DBN1: variants seen among roughly 807,000 people sequenced by gnomAD.
DBN1 encodes drebrin 1.
A neutral mutation model predicts 83.5 loss-of-function variants in DBN1; 21 were observed. The observed-to-expected ratio is 0.25, with a 90% CI of 0.18 to 0.36. The LOEUF (loss-of-function observed/expected upper bound fraction) is 0.36. Ranked by LOEUF, DBN1 falls within the 10% of genes least tolerant of loss-of-function variation. DBN1 has a pLI of 1.00. For missense variants in DBN1, 874 were observed against 935.7 expected (o/e 0.93, Z 0.86); for synonymous variants, 381 against 384.9 (o/e 0.99, Z 0.12).
Position 177,460,558 on chromosome 5 carries a change from G to A in DBN1, c.832-3C>T, listed in dbSNP as rs749079528. On this transcript the variant is annotated splice_polypyrimidine_tract_variant and splice_region_variant and intron_variant, in intron 9 of 14. Transcript: ENST00000393565. ...TGGGCAATAATAGCTGCTGCCTCCTGAGGGCACGAGGAAAAGGTTGGGGCT... is the reference window on the plus strand; with the variant it reads ...TGGGCAATAATAGCTGCTGCCTCCTAAGGGCACGAGGAAAAGGTTGGGGCT... 2.5e-6 allele frequency: 4 copies of A among 1,614,188 alleles called. No individual in the cohort carries two copies. The South Asian group carries it at 3.3e-5, about 13-fold the overall frequency.
chr5:177,472,974 C>T, intron 1 of DBN1: 2 of 405,962 alleles, frequency 4.9e-6, no homozygotes, highest in Non-Finnish European at 6.7e-6. Context: ...GTGCTGTGGC[C>T]GGGCCGGGCT....
rs1561686304 is a variant in DBN1, at chr5:177,467,387, C to A, written c.478-55G>T. 2 of 1,613,614 alleles carry A rather than the reference C, an allele frequency of 1.2e-6. No homozygotes were observed. Among genetic ancestry groups the A allele is most frequent in the South Asian group, 2.2e-5 (2 of 91,060 alleles). On this transcript the variant is annotated intron_variant, in intron 5 of 14. Coordinates refer to ENST00000393565, the MANE Select transcript of DBN1 (RefSeq NM_001363541.2). This position sits in a 1 kb window ranked among gnomAD's most constrained non-coding sequence, Gnocchi z 9.1. Reference sequence around the variant, plus strand: ...GGCTGAATGCCCCAGGAACCCCCGACACCTAAAGGGTGAGAGCTAAGAGGG... The same window carrying A: ...GGCTGAATGCCCCAGGAACCCCCGAAACCTAAAGGGTGAGAGCTAAGAGGG...
Position 177,466,700 on chromosome 5 carries a change from C to G in DBN1, c.771+72G>C. On this transcript the variant is annotated intron_variant, in intron 8 of 14. Transcript: ENST00000393565. This position sits in a 1 kb window ranked among gnomAD's most constrained non-coding sequence, Gnocchi z 4.8. ...TGTCCCTGAGCCACTGATCTCCCCA[C>G]AAGGCCCAGGAACACAGGGACCATT... The G allele has an allele frequency of 6.4e-7, 1 of 1,558,260 alleles. No individual in the cohort carries two copies. The highest frequency in any genetic ancestry group is 2.2e-5 in the East Asian group (1 of 44,610).
chr5:177,464,915 G>C (rs933786699), intron 8 of DBN1, among the ~76,000 whole-genome samples: 2 of 152,128 alleles, frequency 1.3e-5, no homozygotes, highest in Non-Finnish European at 2.9e-5. Flanking sequence ...AGCACTTTGG[G>C]TGGCTGAGGT....
At position 177,467,861 on chromosome 5, in the gene DBN1, G is replaced by A. The variant is rs537968271; in HGVS notation, c.256-44C>T. The A allele has an allele frequency of 7.6e-6, 12 of 1,582,520 alleles. No homozygotes were observed. The East Asian group carries it at 1.7e-4, about 22-fold the overall frequency. ...AGAGGGGGTCAGGAAAGGACAAGGG[G>A]GGCCCTACACGATAGGGTGCATCTT... is the stretch of plus-strand genomic sequence containing the variant. On this transcript the variant is annotated intron_variant, in intron 3 of 14. Transcript: ENST00000393565. The surrounding 1 kb of genome is among the most constrained non-coding windows in gnomAD (Gnocchi z 9.1).
intron 1 of DBN1, among the ~76,000 whole-genome samples, chr5:177,471,118 G>A (rs1465354594): frequency 1.3e-5 from 2 of 152,146 alleles, no homozygotes; most frequent in East Asian, 3.8e-4. Flanking sequence ...CTGGAATGTG[G>A]CAGTTCCAGA....
Position 177,459,205 on chromosome 5 carries a change from T to A in DBN1, c.1157A>T (p.Asp386Val). The change falls in exon 12 of 15, where the codon GAC (aspartate) becomes GTC (valine). Residue 386 changes from aspartate to valine, a missense_variant. Asp to Val is a radical substitution (Grantham distance 152). Transcript: ENST00000393565. ...PTPIPTRSPS[D>V]SSTASTPVAE... ...GACAGGGGTGGAGGCGGTGCTGGAG[T>A]CAGACGGGCTCCGCGTGGGGATGGG... 1 of 1,608,676 alleles carries A rather than the reference T, an allele frequency of 6.2e-7. No homozygotes were observed.
chr5:177,456,686 A>AC lies in DBN1; in HGVS notation c.*746_*747insG. 2.7e-5 allele frequency: 4 copies of AC among 150,330 alleles called. No homozygotes were observed. Among genetic ancestry groups the AC allele is most frequent in the African/African-American group, 9.8e-5 (4 of 40,942 alleles). The allele number at this position is 150,330 out of a possible 1,614,324, so 9.3% of individuals were successfully genotyped here. ...GTTTGTGCTTTCCAAAAAAAAAAAA[A>AC]AAAAAAAAAAAAAAACAGTTACTAA... On this transcript the variant is annotated 3_prime_UTR_variant, in exon 15 of 15. Coordinates refer to ENST00000393565, the MANE Select transcript of DBN1 (RefSeq NM_001363541.2).
Position 177,457,296 on chromosome 5 carries a change from C to G in DBN1, c.*137G>C. 1.3e-6 allele frequency: 1 copy of G among 745,708 alleles called. No homozygotes were observed. Among genetic ancestry groups the G allele is most frequent in the Non-Finnish European group, 2.4e-6 (1 of 419,342 alleles). The allele number at this position is 745,708 out of a possible 1,614,324, so 46.2% of individuals were successfully genotyped here. A position where few individuals can be genotyped will look rare whatever the true frequency, so the allele number is the denominator to read the frequency against. On this transcript the variant is annotated 3_prime_UTR_variant, in exon 15 of 15. Transcript: ENST00000393565. ...CAGGCCCTGTGGGTAGGGAAGCGGC[C>G]AAGTCCCCAGCCAGGGCCGGAATCC...
intron 8 of DBN1, among the ~76,000 whole-genome samples, chr5:177,464,876 C>T (rs1046803509): frequency 6.9e-6 from 1 of 144,458 alleles, no homozygotes; most frequent in Non-Finnish European, 1.5e-5. Context: ...GGAGGCAGGC[C>T]GGGTGCAGTG....
rs529565663 is a variant in DBN1 at position 177,471,149 on chromosome 5, TG to T, written c.87-2251del. The stretch of plus-strand genomic sequence containing the variant: ...CCAGAGACCCTGGGGTGAGCTGGGA[TG>T]GGGGGTGAGCTGGGGTGGAGGGTGA... On this transcript the variant is annotated intron_variant, in intron 1 of 14. Transcript: ENST00000393565. Among the ~76,000 whole-genome samples, 140 of 150,566 alleles carry T rather than the reference TG, an allele frequency of 9.3e-4. 1 individual carries two copies. Among genetic ancestry groups the T allele is most frequent in the African/African-American group, 3.3e-3 (135 of 40,812 alleles).
intron 8 of DBN1, among the ~76,000 whole-genome samples, chr5:177,463,750 G>A (rs1757210901): frequency 6.6e-6 from 1 of 152,218 alleles, no homozygotes; most frequent in African/African-American, 2.4e-5. Context: ...CTGAAATGTT[G>A]ATAACTGGTG....
In DBN1 at chr5:177,473,459, G is replaced by T. The variant is rs1223649294; in HGVS notation, c.63C>A (p.Ile21=). Residue 21 remains isoleucine (I), a synonymous_variant, in exon 1 of 15, where the codon ATC becomes ATA. Coordinates refer to ENST00000393565, the MANE Select transcript of DBN1 (RefSeq NM_001363541.2). ...ACCAGTCGGCCGCGCTCTCCTCTCG[G>T]ATCACCTCCTCGTAAGCCGCCAGCA... is the stretch of plus-strand genomic sequence containing the variant. ...LELLAAYEEV[I]REESAADWAL... The T allele has an allele frequency of 1.4e-6, 2 of 1,436,788 alleles. No homozygotes were observed. The highest frequency in any genetic ancestry group is 9.2e-7 in the Non-Finnish European group (1 of 1,088,694). 89.0% of individuals were successfully genotyped at this position (1,436,788 alleles called of 1,614,324 possible).
At chr5:177,472,397 C>A in intron 1 of DBN1, 1 of 1,449,254 alleles carries the variant, frequency 6.9e-7, no homozygotes, top group Non-Finnish European at 9.0e-7. Flanking sequence ...GGGCACCTTC[C>A]CTAGAAGAAG....
At chr5:177,472,771 C>T (rs1301990418) in intron 1 of DBN1, 1 of 987,966 alleles carries the variant, frequency 1.0e-6, no homozygotes, top group Non-Finnish European at 1.2e-6. Flanking sequence ...GGGAGGAGAG[C>T]TCACCCCTGC....
chr5:177,472,273 G>C, intron 1 of DBN1: 1 of 1,606,460 alleles, frequency 6.2e-7, no homozygotes, highest in Non-Finnish European at 8.5e-7. Context: ...CCCAGTGTGC[G>C]GGTGAGGCCA....
rs1554103565 is a variant in DBN1, at chr5:177,466,715, C to CA, written c.771+56dup. ...GATCTCCCCACAAGGCCCAGGAACA[C>CA]AGGGACCATTCTCACTTCCCTGACC... On this transcript the variant is annotated intron_variant, in intron 8 of 14. Coordinates refer to ENST00000393565, the MANE Select transcript of DBN1 (RefSeq NM_001363541.2). The surrounding 1 kb of genome is among the most constrained non-coding windows in gnomAD (Gnocchi z 4.8). The CA allele has an allele frequency of 3.6e-5, 57 of 1,592,894 alleles. No individual in the cohort carries two copies. The highest frequency in any genetic ancestry group is 4.8e-5 in the Non-Finnish European group (56 of 1,160,796).
intron 1 of DBN1, chr5:177,472,007 C>G: frequency 8.0e-7 from 1 of 1,252,208 alleles, no homozygotes; most frequent in Non-Finnish European, 1.1e-6. Context: ...CCAGGCCAAG[C>G]CGGCCACTTG....
chr5:177,469,376 C>A (rs922170100), intron 1 of DBN1, among the ~76,000 whole-genome samples: 1 of 152,098 alleles, frequency 6.6e-6, no homozygotes, highest in African/African-American at 2.4e-5. Flanking sequence ...TCTGGGCATC[C>A]CCCAGTAACC....
Sources: gnomAD v4.1 joint callset for allele counts (sites outside exome capture counted in the v4.1 genomes callset) on GRCh38, gnomAD v4.1.1 for gene constraint, Gnocchi (gnomAD v3.1) non-coding constraint, MANE v1.5 for transcripts, NCBI Gene and HGNC (gene_info 2026-07-23, HGNC 2026-07-21) for gene names.